The following IGF2BP2 variants were observed in gnomAD, a reference collection of about 807,000 sequenced individuals.
The protein encoded by IGF2BP2 is insulin like growth factor 2 mRNA binding protein 2, also known as insulin-like growth factor 2 mRNA-binding protein 2.
A neutral mutation model predicts 75.8 loss-of-function variants in IGF2BP2; 17 were observed. The ratio of observed to expected loss-of-function variants is 0.22; its 90% CI spans 0.15 to 0.34. The LOEUF (loss-of-function observed/expected upper bound fraction) is 0.34. Among genes scored for constraint, IGF2BP2 ranks in the 10% least tolerant of loss-of-function variants. IGF2BP2 has a pLI of 1.00. For synonymous variants in IGF2BP2, 288 were observed against 295.6 expected (o/e 0.97, Z 0.26); for missense variants, 516 against 772.4 (o/e 0.67, Z 3.93).
At chr3:185,789,662 A>G (rs1736366858) in intron 2 of IGF2BP2, among the ~76,000 whole-genome samples, 1 of 151,490 alleles carries the variant, frequency 6.6e-6, no homozygotes, top group Non-Finnish European at 1.5e-5. Flanking sequence ...TAGTTAAGTA[A>G]GCAAAAAAAA....
chr3:185,645,755 C>A lies in IGF2BP2; in HGVS notation c.1708-132G>T, dbSNP rs551919363. ...TGCTCAGACAAGCATCATCTACCCA[C>A]CCCCGCACGTTACTCCAGGCCCTTT... On this transcript the variant is annotated intron_variant, in intron 15 of 15. Transcript: ENST00000382199. This position sits in a 1 kb window ranked among gnomAD's most constrained non-coding sequence, Gnocchi z 4.9. The A allele has an allele frequency of 1.4e-5, 9 of 663,424 alleles. No individual in the cohort carries two copies. The South Asian group carries it at 1.6e-4, about 12-fold the overall frequency. 41.1% of individuals were successfully genotyped at this position (663,424 alleles called of 1,614,324 possible).
chr3:185,730,597 G>C (rs913660431), intron 2 of IGF2BP2, among the ~76,000 whole-genome samples: 2 of 151,874 alleles, frequency 1.3e-5, no homozygotes, highest in African/African-American at 4.8e-5. Flanking sequence ...ACCACGCCCG[G>C]CTAATTTTGT....
chr3:185,665,956 G>A (rs1717505480), intron 10 of IGF2BP2, among the ~76,000 whole-genome samples: 1 of 152,022 alleles, frequency 6.6e-6, no homozygotes, highest in African/African-American at 2.4e-5. Flanking sequence ...GACAGAGCGA[G>A]ACTCTGTCTC....
intron 12 of IGF2BP2, among the ~76,000 whole-genome samples, chr3:185,656,703 CCA>C (rs1715490701): frequency 6.6e-6 from 1 of 152,226 alleles, no homozygotes; most frequent in South Asian, 2.1e-4. Context: ...TGATGATTCT[CCA>C]CACTGTGCTC....
rs1329721216 is a variant in IGF2BP2, at chr3:185,824,997, C to G, written c.-37G>C. 1 of 1,435,886 alleles carries G rather than the reference C, an allele frequency of 7.0e-7. No individual in the cohort carries two copies. Among genetic ancestry groups the G allele is most frequent in the Non-Finnish European group, 9.3e-7 (1 of 1,074,954 alleles). 88.9% of individuals were successfully genotyped at this position (1,435,886 alleles called of 1,614,324 possible). On this transcript the variant is annotated 5_prime_UTR_variant, in exon 1 of 16. Transcript: ENST00000382199. ...CCGAGAGCCCGCGGCTCCCCCGGCC[C>G]GGTACCCGGCGCTCCTCGCCTCCTC...
At position 185,644,514 on chromosome 3, in the gene IGF2BP2, T is replaced by C. The variant is rs1162626873; in HGVS notation, c.*1017A>G. ...ACTCTTGTTCTTTTGAGTAACCAAG[T>C]GTAAGTTGAGGCTGGTTTGTGTGTT... On this transcript the variant is annotated 3_prime_UTR_variant, in exon 16 of 16. Coordinates refer to ENST00000382199, the MANE Select transcript of IGF2BP2 (RefSeq NM_006548.6). 1 of 147,924 alleles carries C rather than the reference T, an allele frequency of 6.8e-6. No homozygotes were observed. The highest frequency in any genetic ancestry group is 2.5e-5 in the African/African-American group (1 of 40,176). The allele number at this position is 147,924 out of a possible 1,614,324, so 9.2% of individuals were successfully genotyped here.
intron 2 of IGF2BP2, among the ~76,000 whole-genome samples, chr3:185,796,241 T>C (rs1056765939): frequency 9.9e-5 from 15 of 152,170 alleles, no homozygotes; most frequent in African/African-American, 2.4e-4. Flanking sequence ...TTTCTGGCTA[T>C]AGAATCTAGT....
chr3:185,755,868 T>C (rs78753335), intron 2 of IGF2BP2, among the ~76,000 whole-genome samples: 3,530 of 152,326 alleles, frequency 0.023, 69 homozygotes, highest in Middle Eastern at 0.054. Flanking sequence ...AAATCGGCTG[T>C]GAGTCTCAGA....
rs1452144690 is a variant in IGF2BP2 at position 185,647,414 on chromosome 3, T to C, written c.1594-276A>G. 6.6e-6 allele frequency among the ~76,000 whole-genome samples: 1 copy of C among 151,564 alleles called. No homozygotes were observed. Among genetic ancestry groups the C allele is most frequent in the East Asian group, 1.9e-4 (1 of 5,146 alleles). ...GAGGCGAAGTTCTCTTATTCTGGAG[T>C]TCCCATCAACGCAGGCCTGCACATG... On this transcript the variant is annotated intron_variant, in intron 14 of 15. Coordinates refer to ENST00000382199, the MANE Select transcript of IGF2BP2 (RefSeq NM_006548.6). This position sits in a 1 kb window ranked among gnomAD's most constrained non-coding sequence, Gnocchi z 4.9.
chr3:185,685,261 T>C lies in IGF2BP2; in HGVS notation c.812+1796A>G, dbSNP rs937252319. On this transcript the variant is annotated intron_variant, in intron 7 of 15. Transcript: ENST00000382199. ...TGCTCGGGAGGCTGAGGCAGGAGAA[T>C]TGCTTGAACCCGGGAGACGGGAGGT... 2.6e-5 allele frequency among the ~76,000 whole-genome samples: 4 copies of C among 152,066 alleles called. No individual in the cohort carries two copies. In the South Asian group the frequency reaches 6.2e-4, roughly 24 times the overall value.
At chr3:185,736,825 G>A (rs927522800) in intron 2 of IGF2BP2, among the ~76,000 whole-genome samples, 4 of 152,184 alleles carry the variant, frequency 2.6e-5, no homozygotes, top group African/African-American at 9.7e-5. Context: ...TGTAACAAGA[G>A]TTTTCCTTTT....
intron 12 of IGF2BP2, among the ~76,000 whole-genome samples, chr3:185,656,024 C>A (rs1056838515): frequency 2.6e-5 from 4 of 152,268 alleles, no homozygotes; most frequent in African/African-American, 9.6e-5. Context: ...ACTCTCTGAG[C>A]CTCACTTTTC....
chr3:185,824,802 G>C lies in IGF2BP2; in HGVS notation c.159C>G (p.Arg53=), dbSNP rs1741826493. ...GCTCACCCGAGAGGGTCTCGATGGC[G>C]CGGATGGCCCAGTTCTGGTCGGGGT... ...VDYPDQNWAI[R]AIETLSGKVE... The change falls in exon 1 of 16, where the codon CGC becomes CGG. Residue 53 remains arginine, a synonymous_variant. Transcript: ENST00000382199. 6.9e-7 allele frequency: 1 copy of C among 1,440,838 alleles called. No homozygotes were observed. Among genetic ancestry groups the C allele is most frequent in the African/African-American group, 1.5e-5 (1 of 68,724 alleles). 89.3% of individuals were successfully genotyped at this position (1,440,838 alleles called of 1,614,324 possible). A position where few individuals can be genotyped will look rare whatever the true frequency, so the allele number is the denominator to read the frequency against.
In IGF2BP2 at chr3:185,687,089, T is replaced by C; in HGVS notation, c.780A>G (p.Glu260=). 1 of 1,613,556 alleles carries C rather than the reference T, an allele frequency of 6.2e-7. No homozygotes were observed. The highest frequency in any genetic ancestry group is 1.1e-5 in the South Asian group (1 of 90,988). ...GTSEACRMIL[E]IMQKEADETK... is the part of the protein sequence containing the mutation. Reference sequence around the variant, plus strand: ...TCTCATCTGCCTCTTTCTGCATGATTTCAAGAATCATGCGGCATGCTTCAG... The same window carrying C: ...TCTCATCTGCCTCTTTCTGCATGATCTCAAGAATCATGCGGCATGCTTCAG... Residue 260 remains glutamate (E), a synonymous_variant, in exon 7 of 16, where the codon GAA becomes GAG. Transcript: ENST00000382199.
At chr3:185,748,346 A>T (rs1730538711) in intron 2 of IGF2BP2, among the ~76,000 whole-genome samples, 1 of 152,232 alleles carries the variant, frequency 6.6e-6, no homozygotes, top group Admixed American at 6.5e-5. Flanking sequence ...TCAGTGAACA[A>T]GTACTACTGT....
At chr3:185,665,461 AAGAAGAAGAAGAAGG>A (rs1717328533) in intron 10 of IGF2BP2, among the ~76,000 whole-genome samples, 20 of 71,734 alleles carry the variant, frequency 2.8e-4, no homozygotes, top group African/African-American at 1.1e-3. Flanking sequence ...GGAGGAGAAG[AAGAAGAAGAAGAAGG>A]AGAAGAAGGA....
At chr3:185,792,227 T>C (rs534377059) in intron 2 of IGF2BP2, among the ~76,000 whole-genome samples, 6 of 152,294 alleles carry the variant, frequency 3.9e-5, no homozygotes, top group Middle Eastern at 3.4e-3. Flanking sequence ...CGTCAAATTA[T>C]GGCCCCTCCA....
chr3:185,698,814 GTT>G (rs915972569), intron 2 of IGF2BP2, among the ~76,000 whole-genome samples: 1 of 150,502 alleles, frequency 6.6e-6, no homozygotes, highest in African/African-American at 2.5e-5. Context: ...TTTTGTTGTT[GTT>G]TGTTTGTTTG....
intron 2 of IGF2BP2, among the ~76,000 whole-genome samples, chr3:185,778,380 G>A (rs1425813686): frequency 6.6e-6 from 1 of 152,182 alleles, no homozygotes; most frequent in Non-Finnish European, 1.5e-5. Context: ...CAGACAGGGA[G>A]AATGTGCAAA....
Sources: allele counts gnomAD v4.1 joint callset (sites outside exome capture counted in the v4.1 genomes callset), GRCh38; gene constraint gnomAD v4.1.1; non-coding constraint Gnocchi (gnomAD v3.1); transcripts MANE v1.5; gene names NCBI Gene and HGNC (gene_info 2026-07-23, HGNC 2026-07-21).